Variants in GGA3 observed in about 807,000 individuals in gnomAD.
GGA3 encodes ADP-ribosylation factor-binding protein GGA3.
GGA3 carries 57 observed loss-of-function variants against 77.5 expected under a neutral mutation model. That is an observed-to-expected ratio of 0.74 (90% CI 0.59 to 0.92). The LOEUF is 0.92. Among genes scored for constraint, GGA3 ranks in the 40% least tolerant of loss-of-function variants. GGA3 has a pLI of 0.00. For synonymous variants in GGA3, 416 were observed against 383.7 expected, an observed-to-expected ratio of 1.08 and a Z score of -0.98; for missense variants, 970 against 914.9, an observed-to-expected ratio of 1.06 and a Z score of -0.78.
At chr17:75,261,500 G>C in intron 1 of GGA3, 48 bp downstream of exon 1, 1 of 1,451,730 alleles carries the variant, frequency 6.9e-7, no homozygotes, top group African/African-American at 1.4e-5. Flanking sequence ...TGAAGACAGG[G>C]GCAGCCCAGC....
At chr17:75,247,317 C>T (rs1366000575) in intron 1 of GGA3, among the ~76,000 whole-genome samples, 2 of 150,850 alleles carry the variant, frequency 1.3e-5, no homozygotes, top group African/African-American at 4.9e-5. Context: ...GGCTGTAGTA[C>T]AGTGGCACGA....
chr17:75,237,818 GAATTGC>G lies in GGA3; in HGVS notation c.*455_*460del. Reference sequence around the variant, plus strand: ...GGAGCTGGTTGGCGGGGGAAGCATGGAATTGCAACAGGGCTGCAGCCCCTTGGGCCG... The same window carrying G: ...GGAGCTGGTTGGCGGGGGAAGCATGGAACAGGGCTGCAGCCCCTTGGGCCG... On this transcript the variant is annotated 3_prime_UTR_variant, in exon 17 of 17. Transcript: ENST00000537686. The G allele has an allele frequency of 7.0e-7, 1 of 1,428,946 alleles. No homozygotes were observed. The allele number at this position is 1,428,946 out of a possible 1,614,324, so 88.5% of individuals were successfully genotyped here. A position where few individuals can be genotyped will look rare whatever the true frequency, so the allele number is the denominator to read the frequency against.
intron 16 of GGA3, 42 bp from the exon 17 acceptor site, chr17:75,238,431 C>G (rs914284630): frequency 6.4e-7 from 1 of 1,552,458 alleles, no homozygotes. Context: ...CCAGGCGGCC[C>G]CTTGGCAGGA....
chr17:75,240,494 G>A, intron 11 of GGA3, 82 bp from the exon 12 acceptor site: 1 of 858,482 alleles, frequency 1.2e-6, no homozygotes, highest in Non-Finnish European at 1.9e-6. Flanking sequence ...GAGGGGTCAG[G>A]TGACAAGTGA....
chr17:75,256,468 A>C (rs1415850142), intron 1 of GGA3, among the ~76,000 whole-genome samples: 1 of 151,782 alleles, frequency 6.6e-6, no homozygotes, highest in Non-Finnish European at 1.5e-5. Flanking sequence ...CCATGACTGT[A>C]TCTCTCTGAT....
chr17:75,239,111 G>A (rs2076428981), intron 14 of GGA3, 28 bp from the exon 15 acceptor site: 1 of 1,603,322 alleles, frequency 6.2e-7, no homozygotes, highest in East Asian at 2.2e-5. Flanking sequence ...GAGTGTGGGA[G>A]GAGCAGCACC....
At chr17:75,256,843 G>C (rs1160721953) in intron 1 of GGA3, among the ~76,000 whole-genome samples, 5 of 152,094 alleles carry the variant, frequency 3.3e-5, no homozygotes, top group Non-Finnish European at 7.3e-5. Flanking sequence ...CTTAGTCTAA[G>C]TAGACACTTT....
upstream of GGA3, chr17:75,261,844 G>C: frequency 1.3e-6 from 2 of 1,559,952 alleles, no homozygotes; most frequent in Admixed American, 1.8e-5. Context: ...CCCGTTTCCC[G>C]TCACTCGCTC....
At chr17:75,242,109 A>T (rs2076580227) in intron 8 of GGA3, 1 of 597,878 alleles carries the variant, frequency 1.7e-6, no homozygotes, top group Admixed American at 2.9e-5. Flanking sequence ...AGTCAGACTC[A>T]GGTTTCCATC....
At chr17:75,253,704 A>T (rs886885957) in intron 1 of GGA3, among the ~76,000 whole-genome samples, 5 of 151,896 alleles carry the variant, frequency 3.3e-5, no homozygotes, top group Admixed American at 6.6e-5. Context: ...CCAATCCCTT[A>T]TTTCCACACC....
In GGA3 at chr17:75,237,149, A is replaced by G. The variant is rs1228956324; in HGVS notation, c.*1130T>C. On this transcript the variant is annotated 3_prime_UTR_variant, in exon 17 of 17. Transcript: ENST00000537686. ...TCCAGCAGCTAGAGTGGCTGGGACAAGCTGGCGGGGGCCAAGCACTGTTGA... is the reference window on the plus strand; with the variant it reads ...TCCAGCAGCTAGAGTGGCTGGGACAGGCTGGCGGGGGCCAAGCACTGTTGA... 4 of 396,460 alleles carry G rather than the reference A, an allele frequency of 1.0e-5. No homozygotes were observed. Among genetic ancestry groups the G allele is most frequent in the Non-Finnish European group, 1.8e-5 (4 of 217,850 alleles). 24.6% of individuals were successfully genotyped at this position (396,460 alleles called of 1,614,324 possible). A position where few individuals can be genotyped will look rare whatever the true frequency, so the allele number is the denominator to read the frequency against.
chr17:75,246,476 G>A (rs777847830), intron 3 of GGA3, 33 bp downstream of exon 3: 7 of 1,416,136 alleles, frequency 4.9e-6, no homozygotes, highest in Middle Eastern at 4.0e-4. Flanking sequence ...GTGAAGGGCT[G>A]CGGTTTCCAC....
At position 75,239,030 on chromosome 17, in the gene GGA3, G is replaced by A; in HGVS notation, c.1834C>T (p.His612Tyr). 6.2e-7 allele frequency: 1 copy of A among 1,614,084 alleles called. No homozygotes were observed. The highest frequency in any genetic ancestry group is 1.3e-5 in the African/African-American group (1 of 75,056). ...CCTGGGGGACACTCCTTGGCAAAGTGGAAGAGGATGCGGAAGCCGTTTTTA... is the reference window on the plus strand; with the variant it reads ...CCTGGGGGACACTCCTTGGCAAAGTAGAAGAGGATGCGGAAGCCGTTTTTA... ...YDKNGFRILF[H>Y]FAKECPPGRP... Residue 612 changes from histidine (H) to tyrosine (Y), a missense_variant, in exon 15 of 17, where the codon CAC becomes TAC. Transcript: ENST00000537686.
chr17:75,260,566 A>C (rs1288199237), intron 1 of GGA3, among the ~76,000 whole-genome samples: 1 of 152,208 alleles, frequency 6.6e-6, no homozygotes, highest in African/African-American at 2.4e-5. Flanking sequence ...AGGAAAAATC[A>C]GACAATTTGA....
At chr17:75,240,733 C>A in intron 11 of GGA3, 79 bp downstream of exon 11, 1 of 1,475,268 alleles carries the variant, frequency 6.8e-7, no homozygotes, top group Non-Finnish European at 9.0e-7. Flanking sequence ...TGGGGCCCCG[C>A]TCAGGGCTCC....
At chr17:75,247,682 C>T (rs1442657144) in intron 1 of GGA3, among the ~76,000 whole-genome samples, 2 of 152,210 alleles carry the variant, frequency 1.3e-5, no homozygotes, top group South Asian at 4.1e-4. Context: ...TACTTAGCCC[C>T]TACTAAGCCC....
Position 75,239,456 on chromosome 17 carries a change from A to T in GGA3, c.1699T>A (p.Phe567Ile). The T allele has an allele frequency of 6.3e-7, 1 of 1,581,048 alleles. No homozygotes were observed. The highest frequency in any genetic ancestry group is 8.5e-7 in the Non-Finnish European group (1 of 1,171,164). ...TTCGGGGGGCTGCCCTGGGACTGGA[A>T]ACTCAGTGGCTGGAAGAGCGGGCTG... ...PGSPLFQPLS[F>I]QSQGSPPKGP... The change falls in exon 14 of 17, where the codon TTC becomes ATC. Residue 567 changes from phenylalanine (F) to isoleucine (I), a missense_variant. Coordinates refer to ENST00000537686, the MANE Select transcript of GGA3 (RefSeq NM_138619.4).
chr17:75,239,209 A>G, intron 14 of GGA3, 126 bp from the exon 15 acceptor site: 1 of 1,003,810 alleles, frequency 1.0e-6, no homozygotes, highest in Non-Finnish European at 1.4e-6. Context: ...GGAATCTGGG[A>G]GAGGCGCTCA....
intron 1 of GGA3, among the ~76,000 whole-genome samples, chr17:75,249,601 T>A (rs1176548976): frequency 6.6e-6 from 1 of 152,186 alleles, no homozygotes; most frequent in Non-Finnish European, 1.5e-5. Flanking sequence ...TCCTATCAGG[T>A]GCTTAAAGTT....
Sources: allele counts gnomAD v4.1 joint callset (sites outside exome capture counted in the v4.1 genomes callset), GRCh38; gene constraint gnomAD v4.1.1; transcripts MANE v1.5; gene names NCBI Gene and HGNC (gene_info 2026-07-23, HGNC 2026-07-21).